Variants in PRELID3A observed in about 807,000 individuals in gnomAD.
PRELID3A encodes PRELI domain containing 3A.
In PRELID3A, 27 loss-of-function variants were observed where a neutral mutation model predicts 23.0. That is an observed-to-expected ratio of 1.17 (90% confidence interval 0.87 to 1.62). The LOEUF (loss-of-function observed/expected upper bound fraction) is 1.62. PRELID3A is among the 40% of genes most tolerant of loss of function. PRELID3A has a pLI of 0.00. For missense variants in PRELID3A, 231 were observed against 231.4 expected, an observed-to-expected ratio of 1.00 and a Z score of 0.01; for synonymous variants, 87 against 86.4, an observed-to-expected ratio of 1.01 and a Z score of -0.04.
intron 1 of PRELID3A, 176 bp from the exon 2 acceptor site, chr18:12,420,149 G>T (rs913582549): frequency 7.0e-7 from 1 of 1,426,950 alleles, no homozygotes; most frequent in Admixed American, 2.9e-5. Flanking sequence ...AGGCGTGCAG[G>T]TGCTGAGCCG....
chr18:12,409,783 TCA>T, intron 1 of PRELID3A, among the ~76,000 whole-genome samples: 1 of 152,060 alleles, frequency 6.6e-6, no homozygotes, highest in East Asian at 1.9e-4. Flanking sequence ...CTGTGAAAAA[TCA>T]CAGTTGATGC....
chr18:12,408,378 C>T (rs970112995), intron 1 of PRELID3A, among the ~76,000 whole-genome samples: 3 of 152,030 alleles, frequency 2.0e-5, no homozygotes, highest in South Asian at 2.1e-4. Context: ...CGCTGCTCTC[C>T]TTGGGGTCGG....
chr18:12,420,185 C>A lies in PRELID3A; in HGVS notation c.33-140C>A, dbSNP rs370628635. ...GCGGCCGGGGAGGGCTCGCGGGACTCCTCAGATTTGTCGGACCAGCCTTTC... is the reference window on the plus strand; with the variant it reads ...GCGGCCGGGGAGGGCTCGCGGGACTACTCAGATTTGTCGGACCAGCCTTTC... On this transcript the variant is annotated intron_variant, in intron 1 of 6. Coordinates refer to ENST00000440960, the MANE Select transcript of PRELID3A (RefSeq NM_001142405.2). The A allele has an allele frequency of 1.6e-5, 23 of 1,440,540 alleles. No homozygotes were observed. In the African/African-American group the frequency reaches 2.9e-4, roughly 18 times the overall value. 89.2% of individuals were successfully genotyped at this position (1,440,540 alleles called of 1,614,324 possible).
intron 1 of PRELID3A, among the ~76,000 whole-genome samples, chr18:12,414,310 C>G (rs1032380703): frequency 6.6e-6 from 1 of 152,226 alleles, no homozygotes; most frequent in Non-Finnish European, 1.5e-5. Context: ...TTCCCAAGTG[C>G]ACAGCAGTGA....
At chr18:12,419,683 T>TA (rs2030082943) in intron 1 of PRELID3A, among the ~76,000 whole-genome samples, 1 of 151,794 alleles carries the variant, frequency 6.6e-6, no homozygotes, top group Non-Finnish European at 1.5e-5. Flanking sequence ...CTCACGCCTG[T>TA]AATCTCAGCA....
At chr18:12,415,323 G>A (rs1411139750) in intron 1 of PRELID3A, among the ~76,000 whole-genome samples, 3 of 151,544 alleles carry the variant, frequency 2.0e-5, no homozygotes, top group African/African-American at 4.8e-5. Context: ...GCAGTGGTGC[G>A]TTCTTGGCTC....
At position 12,412,914 on chromosome 18, in the gene PRELID3A, C is replaced by A. The variant is rs145753351; in HGVS notation, c.32+4907C>A. Reference sequence around the variant, plus strand: ...CCAAAAATTAGTGAAAGGAGTGGTGCTGTTTCTGTTTTTACTAATATCTAC... The same window carrying A: ...CCAAAAATTAGTGAAAGGAGTGGTGATGTTTCTGTTTTTACTAATATCTAC... On this transcript the variant is annotated intron_variant, in intron 1 of 6. Transcript: ENST00000440960. 3.0e-4 allele frequency among the ~76,000 whole-genome samples: 46 copies of A among 152,288 alleles called. No homozygotes were observed. In the East Asian group the frequency reaches 5.4e-3, roughly 18 times the overall value.
intron 1 of PRELID3A, among the ~76,000 whole-genome samples, chr18:12,408,502 G>A (rs1041209666): frequency 2.0e-5 from 3 of 152,224 alleles, no homozygotes; most frequent in Non-Finnish European, 4.4e-5. Context: ...GGAAGCTAAA[G>A]GGGCAGAAGG....
At chr18:12,419,825 AGGCTGGGGCAGGAGAAT>A (rs2030089196) in intron 1 of PRELID3A, 1 of 152,008 alleles carries the variant, frequency 6.6e-6, no homozygotes, top group Non-Finnish European at 1.5e-5. Context: ...GCTGCTCCGG[AGGCTGGGGCAGGAGAAT>A]GGCGGGAACC....
chr18:12,427,376 GA>G, intron 5 of PRELID3A, 53 bp downstream of exon 5: 1 of 1,288,856 alleles, frequency 7.8e-7, no homozygotes, highest in Non-Finnish European at 1.1e-6. Context: ...TTAAGTGCCA[GA>G]TTAAGAATAT....
chr18:12,427,747 G>A lies in PRELID3A; in HGVS notation c.465+424G>A, dbSNP rs72875369. Reference sequence around the variant, plus strand: ...TAAATAAATAAAATCCTGAGTGCTGGGGCTCTCCATTTATGCTGAGCTCAT... The same window carrying A: ...TAAATAAATAAAATCCTGAGTGCTGAGGCTCTCCATTTATGCTGAGCTCAT... On this transcript the variant is annotated intron_variant, in intron 5 of 6. Coordinates refer to ENST00000440960, the MANE Select transcript of PRELID3A (RefSeq NM_001142405.2). Among the ~76,000 whole-genome samples, 915 of 151,726 alleles carry A rather than the reference G, an allele frequency of 6.0e-3. 9 individuals carry two copies. The highest frequency in any genetic ancestry group is 9.4e-3 in the Non-Finnish European group (635 of 67,872).
chr18:12,408,125 C>A (rs1909782399), intron 1 of PRELID3A, 118 bp downstream of exon 1: 2 of 957,980 alleles, frequency 2.1e-6, no homozygotes, highest in Non-Finnish European at 2.7e-6. Flanking sequence ...GAGATCCCCG[C>A]CCCGCGCCGG....
intron 6 of PRELID3A, among the ~76,000 whole-genome samples, chr18:12,430,765 ATG>A (rs1188840067): frequency 8.2e-6 from 1 of 121,450 alleles, no homozygotes; most frequent in African/African-American, 3.2e-5. Flanking sequence ...CATGTGTGTG[ATG>A]TGTGTGCATG....
intron 3 of PRELID3A, 89 bp from the exon 4 acceptor site, chr18:12,426,952 G>A (rs541203649): frequency 1.5e-5 from 13 of 891,998 alleles, no homozygotes; most frequent in Admixed American, 2.0e-5. Context: ...GCCCCACTAA[G>A]TGCTAATTTT....
intron 1 of PRELID3A, among the ~76,000 whole-genome samples, chr18:12,408,286 C>T (rs1909790931): frequency 6.6e-6 from 1 of 151,626 alleles, no homozygotes; most frequent in African/African-American, 2.4e-5. Flanking sequence ...TGGTGGTCGA[C>T]AGCCAGGGCG....
rs537642127 is a variant in PRELID3A at position 12,414,858 on chromosome 18, G to A, written c.33-5467G>A. Among the ~76,000 whole-genome samples, 580 of 152,250 alleles carry A rather than the reference G, an allele frequency of 3.8e-3. 7 individuals are homozygous for A. Among genetic ancestry groups the A allele is most frequent in the Non-Finnish European group, 5.1e-3 (350 of 68,024 alleles). ...GTGGCCCAAATGCTAAGGAGCAGCT[G>A]ATGGAGGCCTTGGGTCACTTGGTGG... On this transcript the variant is annotated intron_variant, in intron 1 of 6. Transcript: ENST00000440960.
intron 1 of PRELID3A, among the ~76,000 whole-genome samples, 194 bp downstream of exon 1, chr18:12,408,201 G>A (rs988145233): frequency 1.6e-4 from 25 of 151,966 alleles, no homozygotes; most frequent in Non-Finnish European, 3.4e-4. Flanking sequence ...ACCGCGGTCT[G>A]GGCGAGGCTC....
At chr18:12,416,300 TTGTTGTTG>T (rs2029950566) in intron 1 of PRELID3A, among the ~76,000 whole-genome samples, 1 of 141,086 alleles carries the variant, frequency 7.1e-6, no homozygotes, top group African/African-American at 3.2e-5. Flanking sequence ...TTCTGGGTTT[TTGTTGTTG>T]TTGTTGTTGT....
intron 1 of PRELID3A, among the ~76,000 whole-genome samples, chr18:12,419,442 A>G (rs1048786341): frequency 2.0e-5 from 3 of 149,872 alleles, no homozygotes; most frequent in Non-Finnish European, 4.4e-5. Context: ...CAGCCTGGCC[A>G]ACATGGGGAA....
Sources: allele counts gnomAD v4.1 joint callset (sites outside exome capture counted in the v4.1 genomes callset), GRCh38; gene constraint gnomAD v4.1.1; transcripts MANE v1.5; gene names NCBI Gene and HGNC (gene_info 2026-07-23, HGNC 2026-07-21).